Variants in MARK1 observed in about 807,000 individuals in gnomAD.
The protein encoded by MARK1 is serine/threonine-protein kinase MARK1.
A neutral mutation model predicts 96.3 loss-of-function variants in MARK1; 40 were observed. The ratio of observed to expected loss-of-function variants is 0.42; its 90% confidence interval spans 0.32 to 0.54. The LOEUF (loss-of-function observed/expected upper bound fraction) is 0.54, where lower values mean the gene tolerates loss of function less well. MARK1 is among the 20% of genes least tolerant of loss of function. MARK1 has a pLI of 0.16. For missense variants in MARK1, 719 were observed against 984.6 expected, an observed-to-expected ratio of 0.73 and a Z score of 3.61; for synonymous variants, 317 against 341.2, an observed-to-expected ratio of 0.93 and a Z score of 0.78.
chr1:220,622,494 A>G (rs1667100952), intron 9 of MARK1, among the ~76,000 whole-genome samples: 1 of 152,254 alleles, frequency 6.6e-6, no homozygotes, highest in Non-Finnish European at 1.5e-5. Flanking sequence ...TAATTTTTTA[A>G]TGAAAGATTT....
At chr1:220,588,134 A>T (rs1228961428) in intron 3 of MARK1, among the ~76,000 whole-genome samples, 1 of 152,174 alleles carries the variant, frequency 6.6e-6, no homozygotes, top group Non-Finnish European at 1.5e-5. Flanking sequence ...ATGATTTCTA[A>T]TGAGATTGGC....
At chr1:220,573,723 T>A (rs185926028) in intron 1 of MARK1, among the ~76,000 whole-genome samples, 112 of 152,280 alleles carry the variant, frequency 7.4e-4, no homozygotes, top group Admixed American at 1.4e-3. Context: ...TTCTTTGCAG[T>A]CTACTGTAAT....
chr1:220,539,080 C>A (rs1470835139), intron 1 of MARK1, among the ~76,000 whole-genome samples: 1 of 152,052 alleles, frequency 6.6e-6, no homozygotes, highest in East Asian at 1.9e-4. Flanking sequence ...TGCCTAATTG[C>A]CTTGGCCAGA....
chr1:220,570,581 AT>A (rs1255364119), intron 1 of MARK1, among the ~76,000 whole-genome samples: 2 of 152,140 alleles, frequency 1.3e-5, no homozygotes, highest in Admixed American at 6.5e-5. Context: ...AAATTGTAAT[AT>A]TTTTCTTGTA....
chr1:220,580,445 C>T (rs1664157230), intron 2 of MARK1, among the ~76,000 whole-genome samples: 1 of 151,786 alleles, frequency 6.6e-6, no homozygotes, highest in Non-Finnish European at 1.5e-5. Context: ...CACTGCACTC[C>T]AGCCTCAGCA....
chr1:220,643,949 A>C (rs1266873570), intron 13 of MARK1, among the ~76,000 whole-genome samples: 1 of 152,222 alleles, frequency 6.6e-6, no homozygotes, highest in Non-Finnish European at 1.5e-5. Flanking sequence ...ATTTGTTACC[A>C]GCCATTACAA....
chr1:220,606,818 G>C (rs576581853), intron 6 of MARK1, among the ~76,000 whole-genome samples: 13 of 152,176 alleles, frequency 8.5e-5, no homozygotes, highest in South Asian at 4.1e-4. Flanking sequence ...GTTTGTCAAA[G>C]ATCAGATGGT....
intron 1 of MARK1, among the ~76,000 whole-genome samples, chr1:220,555,226 A>G (rs898795084): frequency 6.6e-6 from 1 of 152,080 alleles, no homozygotes; most frequent in Non-Finnish European, 1.5e-5. Context: ...TACTTTGGAG[A>G]TAGTTTGGAG....
chr1:220,577,934 C>G (rs1663984337), intron 1 of MARK1, among the ~76,000 whole-genome samples: 1 of 152,104 alleles, frequency 6.6e-6, no homozygotes. Flanking sequence ...AGCAAAAACC[C>G]TTAATCCTGA....
intron 5 of MARK1, among the ~76,000 whole-genome samples, chr1:220,603,509 A>G (rs889613716): frequency 2.0e-5 from 3 of 152,118 alleles, no homozygotes; most frequent in African/African-American, 4.8e-5. Flanking sequence ...TTAATTCTGT[A>G]TAATTTGTGG....
At chr1:220,647,038 G>T (rs1168686689) in intron 13 of MARK1, among the ~76,000 whole-genome samples, 1 of 152,120 alleles carries the variant, frequency 6.6e-6, no homozygotes, top group Non-Finnish European at 1.5e-5. Flanking sequence ...TGCAACAAAA[G>T]CAAAAATTGA....
intron 6 of MARK1, among the ~76,000 whole-genome samples, chr1:220,613,428 A>G (rs921926967): frequency 1.3e-5 from 2 of 152,176 alleles, no homozygotes; most frequent in Non-Finnish European, 2.9e-5. Context: ...AAGTACTTAT[A>G]GAACTGTTTT....
intron 3 of MARK1, among the ~76,000 whole-genome samples, chr1:220,584,719 T>C (rs1264337389): frequency 6.6e-6 from 1 of 152,224 alleles, no homozygotes. Context: ...CAGAATTCAA[T>C]ATATTTTAGC....
intron 9 of MARK1, chr1:220,626,406 T>G (rs1488346898): frequency 1.8e-6 from 1 of 547,772 alleles, no homozygotes; most frequent in East Asian, 5.0e-5. Flanking sequence ...ATTATGCTGT[T>G]AACTACCTGC....
Position 220,618,779 on chromosome 1 carries a change from A to G in MARK1, c.909+24A>G, listed in dbSNP as rs755210033. The stretch of plus-strand genomic sequence containing the variant: ...AAGTAAGTAAATTTTTGTACTCCAA[A>G]TTTAAATTTTAACAATTAAAATATT... On this transcript the variant is annotated intron_variant, in intron 9 of 17. Transcript: ENST00000366917. This position sits in a 1 kb window ranked among gnomAD's most constrained non-coding sequence, Gnocchi z 4.6. 5.2e-6 allele frequency: 8 copies of G among 1,545,286 alleles called. No individual in the cohort carries two copies. Among genetic ancestry groups the G allele is most frequent in the South Asian group, 1.2e-5 (1 of 81,618 alleles).
chr1:220,596,429 C>G (rs1293316993), intron 3 of MARK1, among the ~76,000 whole-genome samples: 1 of 152,164 alleles, frequency 6.6e-6, no homozygotes, highest in African/African-American at 2.4e-5. Flanking sequence ...AAGTACTTGT[C>G]TTGAACATGA....
At chr1:220,657,910 T>A in intron 17 of MARK1, 76 bp downstream of exon 17, 1 of 1,103,600 alleles carries the variant, frequency 9.1e-7, no homozygotes, top group South Asian at 2.1e-5. Context: ...TTACAGCACT[T>A]AATGATCATG....
intron 6 of MARK1, among the ~76,000 whole-genome samples, chr1:220,605,921 A>G (rs995871267): frequency 1.3e-5 from 2 of 152,124 alleles, no homozygotes; most frequent in Non-Finnish European, 2.9e-5. Flanking sequence ...TCATTGATGG[A>G]CATTTGGGTT....
chr1:220,589,525 T>G (rs558754101), intron 3 of MARK1, among the ~76,000 whole-genome samples: 1 of 152,318 alleles, frequency 6.6e-6, no homozygotes, highest in African/African-American at 2.4e-5. Context: ...GTTTACTACT[T>G]TAGTTATCTG....
Sources: allele counts gnomAD v4.1 joint callset (sites outside exome capture counted in the v4.1 genomes callset), GRCh38; gene constraint gnomAD v4.1.1; non-coding constraint Gnocchi (gnomAD v3.1); transcripts MANE v1.5; gene names NCBI Gene and HGNC (gene_info 2026-07-23, HGNC 2026-07-21).